INTU: variants seen among roughly 807,000 people sequenced by gnomAD.
The protein encoded by INTU is inturned planar cell polarity protein.
INTU carries 68 observed loss-of-function variants against 100.5 expected under a neutral mutation model. The ratio of observed to expected loss-of-function variants is 0.68; its 90% CI spans 0.56 to 0.83. The LOEUF (loss-of-function observed/expected upper bound fraction) is 0.83, where lower values mean the gene tolerates loss of function less well. Among genes scored for constraint, INTU ranks in the 40% least tolerant of loss-of-function variants. The pLI is 0.00. For synonymous variants in INTU, 357 were observed against 395.7 expected (o/e 0.90, Z 1.16); for missense variants, 1,071 against 1,114.7 (o/e 0.96, Z 0.56).
rs1225473107 is a variant in INTU, at chr4:127,706,789, T to G, written c.2091T>G (p.Phe697Leu). The change falls in exon 12 of 16, where the codon TTT (phenylalanine) becomes TTG (leucine). Residue 697 changes from phenylalanine to leucine, a missense_variant. By Grantham distance (22) the Phe-to-Leu change is conservative. Transcript: ENST00000335251. ...ATSPTCRRTL[F>L]GDYSLKTRKP... The stretch of plus-strand genomic sequence containing the variant: ...CTCCAACATGCAGAAGAACGCTTTT[T>G]GGTGACTATTCCTTAAAGACACGCA... The G allele has an allele frequency of 3.7e-6, 6 of 1,614,022 alleles. No individual in the cohort carries two copies. The highest frequency in any genetic ancestry group is 4.2e-6 in the Non-Finnish European group (5 of 1,179,996).
chr4:127,706,349 C>T (rs142145724), intron 11 of INTU, 138 bp from the exon 12 acceptor site: 164 of 701,828 alleles, frequency 2.3e-4, no homozygotes, highest in Middle Eastern at 8.1e-4. Flanking sequence ...GGAAAGATGA[C>T]GGAGGAATTT....
intron 6 of INTU, among the ~76,000 whole-genome samples, chr4:127,682,142 T>C (rs1318897556): frequency 1.3e-5 from 2 of 152,012 alleles, no homozygotes; most frequent in Non-Finnish European, 1.5e-5. Flanking sequence ...AGAAACACTT[T>C]TACACTGTTG....
chr4:127,667,375 G>T (rs1223860005), intron 4 of INTU, among the ~76,000 whole-genome samples: 2 of 152,150 alleles, frequency 1.3e-5, no homozygotes, highest in Non-Finnish European at 1.5e-5. Context: ...AGGAACCGTA[G>T]AGCTTGCCAG....
At chr4:127,668,993 G>C in intron 4 of INTU, 43 bp from the exon 5 acceptor site, 1 of 880,714 alleles carries the variant, frequency 1.1e-6, no homozygotes, top group African/African-American at 1.7e-5. Flanking sequence ...CAAAGATAAT[G>C]GTTGGAAAAT....
intron 2 of INTU, among the ~76,000 whole-genome samples, chr4:127,650,277 G>A (rs1405627788): frequency 6.6e-6 from 1 of 151,674 alleles, no homozygotes; most frequent in Non-Finnish European, 1.5e-5. Flanking sequence ...CATTGTGCAG[G>A]TTAGTTACAT....
chr4:127,663,447 A>G lies in INTU; in HGVS notation c.835A>G (p.Thr279Ala). 6.2e-7 allele frequency: 1 copy of G among 1,613,462 alleles called. No individual in the cohort carries two copies. Among genetic ancestry groups the G allele is most frequent in the Non-Finnish European group, 8.5e-7 (1 of 1,179,536 alleles). ...RETSHPRQKK[T>A]QSNTSDLVKL... Reference sequence around the variant, plus strand: ...GACGTCCCATCCAAGACAGAAAAAGACACAGTCCAACACAAGTGATTTAGT... The same window carrying G: ...GACGTCCCATCCAAGACAGAAAAAGGCACAGTCCAACACAAGTGATTTAGT... The change falls in exon 4 of 16, where the codon ACA becomes GCA. Residue 279 changes from threonine to alanine, a missense_variant. By Grantham distance (58) the Thr-to-Ala change is moderately conservative (BLOSUM62 0). Transcript: ENST00000335251.
In INTU at chr4:127,711,053, A is replaced by G; in HGVS notation, c.2510A>G (p.Gln837Arg). ...CCTCAGCTAATAAAGAATTTCCATCAGTGTTGTCTTTCCATTCGTGCAGTT... is the reference window on the plus strand; with the variant it reads ...CCTCAGCTAATAAAGAATTTCCATCGGTGTTGTCTTTCCATTCGTGCAGTT... ...IHPQLIKNFH[Q>R]CCLSIRAVFQ... The change falls in exon 14 of 16, where the codon CAG becomes CGG. Residue 837 changes from glutamine (Q) to arginine (R), a missense_variant. Gln to Arg is a conservative substitution (Grantham distance 43). Transcript: ENST00000335251. 6.2e-7 allele frequency: 1 copy of G among 1,607,696 alleles called. No individual in the cohort carries two copies. Among genetic ancestry groups the G allele is most frequent in the Non-Finnish European group, 8.5e-7 (1 of 1,175,534 alleles).
intron 3 of INTU, among the ~76,000 whole-genome samples, chr4:127,661,722 C>G (rs1304734167): frequency 6.6e-6 from 1 of 152,160 alleles, no homozygotes; most frequent in Non-Finnish European, 1.5e-5. Flanking sequence ...TTCCAGGGAA[C>G]ACCACCAAAG....
chr4:127,688,836 G>A (rs915050452), intron 8 of INTU, among the ~76,000 whole-genome samples: 15 of 151,982 alleles, frequency 9.9e-5, no homozygotes, highest in Non-Finnish European at 1.6e-4. Context: ...GAGATGAGGT[G>A]TTAGAGCATG....
chr4:127,716,482 A>C lies in INTU; in HGVS notation c.*46A>C. Reference sequence around the variant, plus strand: ...GAAACACGTGCATGGAGGATCAAACACTGTCAGAATTGCTGAAATCAATAC... The same window carrying C: ...GAAACACGTGCATGGAGGATCAAACCCTGTCAGAATTGCTGAAATCAATAC... On this transcript the variant is annotated 3_prime_UTR_variant, in exon 16 of 16. Transcript: ENST00000335251. 1 of 844,196 alleles carries C rather than the reference A, an allele frequency of 1.2e-6. No homozygotes were observed. The highest frequency in any genetic ancestry group is 2.1e-5 in the South Asian group (1 of 47,976). The allele number at this position is 844,196 out of a possible 1,614,324, so 52.3% of individuals were successfully genotyped here. A position where few individuals can be genotyped will look rare whatever the true frequency, so the allele number is the denominator to read the frequency against.
intron 7 of INTU, chr4:127,686,397 A>T (rs1729827602): frequency 6.6e-6 from 1 of 152,128 alleles, no homozygotes; most frequent in African/African-American, 2.4e-5. Context: ...CCTTCCCTTC[A>T]TTCTTGCCAC....
At chr4:127,711,633 A>C (rs1030559535) in intron 14 of INTU, among the ~76,000 whole-genome samples, 10 of 152,134 alleles carry the variant, frequency 6.6e-5, no homozygotes, top group Non-Finnish European at 7.4e-5. Flanking sequence ...TCTGCTTCCT[A>C]TCAAATCAGC....
Position 127,687,697 on chromosome 4 carries a change from A to G in INTU, c.1279A>G (p.Asn427Asp), listed in dbSNP as rs1340365276. 6.2e-7 allele frequency: 1 copy of G among 1,611,588 alleles called. No individual in the cohort carries two copies. The highest frequency in any genetic ancestry group is 1.3e-5 in the African/African-American group (1 of 74,968). Residue 427 changes from asparagine (N) to aspartate (D), a missense_variant, in exon 8 of 16, where the codon AAT (asparagine) becomes GAT (aspartate). By Grantham distance (23) the Asn-to-Asp change is conservative. Coordinates refer to ENST00000335251, the MANE Select transcript of INTU (RefSeq NM_015693.4). ...SLDSAFCQIE[N>D]VPRLDHFFNL... ...CTCCAGTGCCTTTTGCCAGATTGAG[A>G]ATGTTCCTCGTTTGGATCATTTTTT...
At chr4:127,679,874 A>G (rs1229629432) in intron 6 of INTU, among the ~76,000 whole-genome samples, 1 of 152,172 alleles carries the variant, frequency 6.6e-6, no homozygotes, top group Non-Finnish European at 1.5e-5. Context: ...AATAAAGAAT[A>G]AAAGAGAGAA....
In INTU at chr4:127,725,328, T is replaced by C. The variant is rs1433344476; in HGVS notation, c.*8892T>C. ...GTTTAAAAAACAAAAAAGCTTGAAA[T>C]ACCTTCCCCTTAAGATCACAATATT... On this transcript the variant is annotated 3_prime_UTR_variant, in exon 16 of 16. Coordinates refer to ENST00000335251, the MANE Select transcript of INTU (RefSeq NM_015693.4). 1 of 151,900 alleles carries C rather than the reference T, an allele frequency of 6.6e-6. No homozygotes were observed. The highest frequency in any genetic ancestry group is 1.5e-5 in the Non-Finnish European group (1 of 67,954). The allele number at this position is 151,900 out of a possible 1,614,324, so 9.4% of individuals were successfully genotyped here. A position where few individuals can be genotyped will look rare whatever the true frequency, so the allele number is the denominator to read the frequency against.
intron 2 of INTU, among the ~76,000 whole-genome samples, chr4:127,645,326 T>C (rs1727527510): frequency 6.6e-6 from 1 of 152,108 alleles, no homozygotes; most frequent in African/African-American, 2.4e-5. Flanking sequence ...TAGAACCCAG[T>C]CACCATTGTG....
chr4:127,677,262 T>A (rs866008890), intron 6 of INTU, among the ~76,000 whole-genome samples: 6 of 152,128 alleles, frequency 3.9e-5, no homozygotes, highest in Non-Finnish European at 7.3e-5. Flanking sequence ...TCTCCCAGCA[T>A]GCAGCTGGAG....
At position 127,693,316 on chromosome 4, in the gene INTU, T is replaced by C. The variant is rs116928058; in HGVS notation, c.1449+5449T>C. 5.3e-5 allele frequency among the ~76,000 whole-genome samples: 8 copies of C among 152,248 alleles called. No homozygotes were observed. In the East Asian group the frequency reaches 1.5e-3, roughly 29 times the overall value. On this transcript the variant is annotated intron_variant, in intron 8 of 15. Transcript: ENST00000335251. ...TCACCTCCTTGCTTCAGTATATTCC[T>C]AAGTATTTTTTTGCAGCTATTGTGA...
chr4:127,659,596 G>T (rs1405456624), intron 3 of INTU, among the ~76,000 whole-genome samples: 1 of 152,204 alleles, frequency 6.6e-6, no homozygotes, highest in Admixed American at 6.5e-5. Flanking sequence ...CGTTTCTGCA[G>T]CTCTGTGCTC....
Sources: allele counts gnomAD v4.1 joint callset (sites outside exome capture counted in the v4.1 genomes callset), GRCh38; gene constraint gnomAD v4.1.1; transcripts MANE v1.5; gene names NCBI Gene and HGNC (gene_info 2026-07-23, HGNC 2026-07-21).